Variants in ASH1L observed in about 807,000 individuals in gnomAD.
ASH1L encodes ASH1 like histone lysine methyltransferase.
Under a neutral mutation model 269.0 loss-of-function variants are expected in ASH1L, and 23 were observed. The observed-to-expected ratio is 0.09, with a 90% CI of 0.06 to 0.12. The LOEUF (loss-of-function observed/expected upper bound fraction) is 0.12, where lower values mean the gene tolerates loss of function less well. ASH1L is among the 10% of genes least tolerant of loss of function. The pLI, the probability that ASH1L is intolerant of heterozygous loss-of-function variation, is 1.00. For synonymous variants in ASH1L, 1,187 were observed against 1,253.5 expected, an observed-to-expected ratio of 0.95 and a Z score of 1.12; for missense variants, 2,912 against 3,567.8, an observed-to-expected ratio of 0.82 and a Z score of 4.68.
At chr1:155,506,278 T>C (rs1667810345) in intron 2 of ASH1L, among the ~76,000 whole-genome samples, 1 of 152,190 alleles carries the variant, frequency 6.6e-6, no homozygotes, top group East Asian at 1.9e-4. Flanking sequence ...GTCATACCAA[T>C]TTTTTTCCAA....
chr1:155,502,579 G>A (rs1344400480), intron 2 of ASH1L, among the ~76,000 whole-genome samples: 1 of 152,116 alleles, frequency 6.6e-6, no homozygotes, highest in Non-Finnish European at 1.5e-5. Flanking sequence ...GACACTGAAG[G>A]AGCCAAAGAA....
chr1:155,469,091 G>A (rs894677857), intron 3 of ASH1L, among the ~76,000 whole-genome samples: 1 of 152,066 alleles, frequency 6.6e-6, no homozygotes, highest in African/African-American at 2.4e-5. Flanking sequence ...ATGGCTCTCA[G>A]ACACAAGACA....
chr1:155,356,081 G>A (rs1356493214), intron 15 of ASH1L, among the ~76,000 whole-genome samples: 1 of 151,994 alleles, frequency 6.6e-6, no homozygotes, highest in Non-Finnish European at 1.5e-5. Flanking sequence ...GAGATGACAG[G>A]CATGCACCAC....
intron 1 of ASH1L, among the ~76,000 whole-genome samples, chr1:155,555,973 AG>A (rs1485462712): frequency 1.3e-5 from 2 of 152,264 alleles, no homozygotes; most frequent in African/African-American, 4.8e-5. Context: ...AGGGGCTGGT[AG>A]ATGTGGAAAC....
intron 1 of ASH1L, among the ~76,000 whole-genome samples, chr1:155,539,511 C>G (rs1670281165): frequency 6.6e-6 from 1 of 151,880 alleles, no homozygotes. Context: ...GGCTGGAGAG[C>G]AGTGGCACGA....
intron 1 of ASH1L, among the ~76,000 whole-genome samples, chr1:155,558,504 T>G (rs1671751875): frequency 6.6e-6 from 1 of 152,148 alleles, no homozygotes; most frequent in Non-Finnish European, 1.5e-5. Flanking sequence ...ATGTGCTGTA[T>G]TCTATTTCAC....
chr1:155,368,208 G>T (rs1655611506), intron 12 of ASH1L, among the ~76,000 whole-genome samples: 2 of 151,944 alleles, frequency 1.3e-5, no homozygotes, highest in Non-Finnish European at 2.9e-5. Flanking sequence ...TCTTGCCTAG[G>T]CTGGTCTTGA....
At chr1:155,477,820 A>G in intron 3 of ASH1L, 66 bp downstream of exon 3, 1 of 1,454,432 alleles carries the variant, frequency 6.9e-7, no homozygotes, top group Non-Finnish European at 9.1e-7. Flanking sequence ...ATCTACATTT[A>G]TCAGGCACCT....
chr1:155,365,386 T>A (rs1655322636), intron 12 of ASH1L, among the ~76,000 whole-genome samples: 1 of 150,296 alleles, frequency 6.7e-6, no homozygotes, highest in Non-Finnish European at 1.5e-5. Context: ...TTTTTTTTTT[T>A]TTTTTTTTGT....
intron 5 of ASH1L, among the ~76,000 whole-genome samples, chr1:155,437,699 A>G (rs1189593021): frequency 6.6e-6 from 1 of 152,198 alleles, no homozygotes; most frequent in Non-Finnish European, 1.5e-5. Flanking sequence ...GTATCCATCA[A>G]TGGATGAATG....
In ASH1L at chr1:155,479,670, G is replaced by T. The variant is rs2148724286; in HGVS notation, c.3200C>A (p.Pro1067His). ...TVLNGILSGSPTSLAVLEQTA... is the reference protein window; with the variant it reads ...TVLNGILSGSHTSLAVLEQTA... The stretch of plus-strand genomic sequence containing the variant: ...TTGCTCAAGAACAGCAAGGCTAGTA[G>T]GACTACCAGAAAGAATACCATTTAA... Residue 1067 changes from proline to histidine, a missense_variant, in exon 3 of 28, where the codon CCT becomes CAT. Pro to His is a moderately conservative substitution (Grantham distance 77). Coordinates refer to ENST00000392403, the MANE Select transcript of ASH1L (RefSeq NM_018489.3). 1 of 1,614,146 alleles carries T rather than the reference G, an allele frequency of 6.2e-7. No homozygotes were observed. The highest frequency in any genetic ancestry group is 1.1e-5 in the South Asian group (1 of 91,084).
At chr1:155,426,443 C>T (rs541220972) in intron 5 of ASH1L, among the ~76,000 whole-genome samples, 117 of 152,028 alleles carry the variant, frequency 7.7e-4, no homozygotes, top group African/African-American at 2.7e-3. Context: ...CCTCGTGATC[C>T]GACCGCCTCG....
At position 155,562,283 on chromosome 1, in the gene ASH1L, G is replaced by A. The variant is rs750478705; in HGVS notation, c.-230C>T. On this transcript the variant is annotated 5_prime_UTR_variant, in exon 1 of 28. Coordinates refer to ENST00000392403, the MANE Select transcript of ASH1L (RefSeq NM_018489.3). ...CCTCCCGCTTGTCAGGAGGCGGCCA[G>A]CGGGTAAGCTGACTGGCGGAAATGC... is the stretch of plus-strand genomic sequence containing the variant. The A allele has an allele frequency of 3.7e-6, 6 of 1,605,238 alleles. No homozygotes were observed. The Admixed American group carries it at 5.0e-5, about 13-fold the overall frequency.
At position 155,480,242 on chromosome 1, in the gene ASH1L, G is replaced by A. The variant is rs754358145; in HGVS notation, c.2628C>T (p.Ser876=). Residue 876 remains serine, a synonymous_variant, in exon 3 of 28, where the codon TCC becomes TCT. Coordinates refer to ENST00000392403, the MANE Select transcript of ASH1L (RefSeq NM_018489.3). ...PILQPEIEIP[S]FKQGLSVSPF... is the part of the protein sequence containing the mutation. Reference sequence around the variant, plus strand: ...GAGACACAGACAGACCTTGTTTGAAGGAAGGGATTTCAATTTCTGGCTGTA... The same window carrying A: ...GAGACACAGACAGACCTTGTTTGAAAGAAGGGATTTCAATTTCTGGCTGTA... The A allele has an allele frequency of 1.6e-5, 26 of 1,614,070 alleles. No individual in the cohort carries two copies. In the South Asian group the frequency reaches 2.6e-4, roughly 16 times the overall value.
intron 6 of ASH1L, among the ~76,000 whole-genome samples, chr1:155,407,231 A>C (rs1659373785): frequency 6.6e-6 from 1 of 152,222 alleles, no homozygotes; most frequent in South Asian, 2.1e-4. Flanking sequence ...TCAAAAAAAA[A>C]AGTAAATTGA....
intron 4 of ASH1L, among the ~76,000 whole-genome samples, chr1:155,443,977 A>ATTT (rs1662797088): frequency 3.7e-5 from 5 of 134,718 alleles, no homozygotes; most frequent in African/African-American, 1.6e-4. Flanking sequence ...GAATTACTAA[A>ATTT]TCTTTTTTTT....
At chr1:155,392,842 CTTT>C (rs111947784) in intron 7 of ASH1L, among the ~76,000 whole-genome samples, 1 of 142,862 alleles carries the variant, frequency 7.0e-6, no homozygotes. Context: ...AATTCCTCGT[CTTT>C]TTTTTTTTTT....
intron 7 of ASH1L, among the ~76,000 whole-genome samples, chr1:155,384,768 G>C (rs1657281718): frequency 6.6e-6 from 1 of 152,114 alleles, no homozygotes; most frequent in South Asian, 2.1e-4. Context: ...ATCCTGTTCG[G>C]AGTCTGCTAA....
chr1:155,394,699 A>G (rs1406624779), intron 7 of ASH1L, among the ~76,000 whole-genome samples: 1 of 152,208 alleles, frequency 6.6e-6, no homozygotes, highest in Non-Finnish European at 1.5e-5. Context: ...AGGTACTACT[A>G]TCCAAATGCT....
Sources: gnomAD v4.1 joint callset for allele counts (sites outside exome capture counted in the v4.1 genomes callset) on GRCh38, gnomAD v4.1.1 for gene constraint, MANE v1.5 for transcripts, NCBI Gene and HGNC (gene_info 2026-07-23, HGNC 2026-07-21) for gene names.